NTF4: variants seen among roughly 807,000 people sequenced by gnomAD.
NTF4 encodes neurotrophin-4.
In NTF4, 2 loss-of-function variants were observed where a neutral mutation model predicts 4.4. That is an observed-to-expected ratio of 0.46 (90% CI 0.19 to 1.44). The LOEUF (loss-of-function observed/expected upper bound fraction) is 1.44, where lower values mean the gene tolerates loss of function less well. NTF4 is among the 40% of genes most tolerant of loss of function. The pLI, the probability that NTF4 is intolerant of heterozygous loss-of-function variation, is 0.26. For synonymous variants in NTF4, 127 were observed against 122.0 expected (o/e 1.04, Z -0.27); for missense variants, 260 against 293.0 (o/e 0.89, Z 0.82).
chr19:49,061,473 G>A lies in NTF4; in HGVS notation c.525C>T (p.Ser175=). The stretch of plus-strand genomic sequence containing the variant: ...CATCAGCGGTCAATGCCCGCACATA[G>A]GACTGCTTGGCCTTGCACTCAGATA... Residue 175 remains serine (S), a synonymous_variant, in exon 1 of 1, where the codon TCC becomes TCT. Coordinates refer to ENST00000593537, the Ensembl canonical transcript of NTF4. The surrounding 1 kb of genome is among the most constrained non-coding windows in gnomAD (Gnocchi z 4.9). 1 of 1,613,976 alleles carries A rather than the reference G, an allele frequency of 6.2e-7. No individual in the cohort carries two copies. The highest frequency in any genetic ancestry group is 8.5e-7 in the Non-Finnish European group (1 of 1,179,898).
downstream of NTF4, chr19:49,060,700 G>A (rs2040120577): frequency 6.5e-6 from 1 of 152,750 alleles, no homozygotes; most frequent in Admixed American, 6.5e-5. Context: ...GGACAGGGAA[G>A]AGGGCTAGAA....
downstream of NTF4, chr19:49,058,476 G>C: frequency 1.7e-6 from 1 of 595,128 alleles, no homozygotes; most frequent in Non-Finnish European, 2.9e-6. Flanking sequence ...AAATTCCCTG[G>C]CGCCTCCTCT....
Position 49,061,490 on chromosome 19 carries a change from A to G in NTF4, c.508T>C (p.Cys170Arg), listed in dbSNP as rs1230542932. Residue 170 changes from cysteine to arginine, a missense_variant, in exon 1 of 1, where the codon TGC becomes CGC. Coordinates refer to ENST00000593537, the Ensembl canonical transcript of NTF4. The surrounding 1 kb of genome is among the most constrained non-coding windows in gnomAD (Gnocchi z 4.9). ...CGCACATAGGACTGCTTGGCCTTGC[A>G]CTCAGATACCCAGTGCCTCCTGTCC... is the stretch of plus-strand genomic sequence containing the variant. 9 of 1,613,914 alleles carry G rather than the reference A, an allele frequency of 5.6e-6. No homozygotes were observed. The highest frequency in any genetic ancestry group is 5.9e-6 in the Non-Finnish European group (7 of 1,179,898).
chr19:49,061,377 A>G lies in NTF4; in HGVS notation c.621T>C (p.Thr207=), dbSNP rs1263655938. The G allele has an allele frequency of 3.7e-6, 6 of 1,612,290 alleles. No individual in the cohort carries two copies. The Admixed American group carries it at 8.3e-5, about 22-fold the overall frequency. ...CTGGGCATGGGTCTCAGGCCCGGCC[A>G]GTCCGGCTGAGGAGTGTGCAGACGC... The change falls in exon 1 of 1, where the codon ACT becomes ACC. Residue 207 remains threonine (T), a synonymous_variant. Transcript: ENST00000593537. The surrounding 1 kb of genome is among the most constrained non-coding windows in gnomAD (Gnocchi z 4.9).
At chr19:49,059,596 G>A (rs2040108194), downstream of NTF4, among the ~76,000 whole-genome samples, 1 of 152,138 alleles carries the variant, frequency 6.6e-6, no homozygotes, top group Admixed American at 6.5e-5. Flanking sequence ...CCAGGGGCCT[G>A]GTCTGTATAG....
chr19:49,058,408 C>G (rs1262358186), downstream of NTF4: 7 of 791,330 alleles, frequency 8.8e-6, no homozygotes, highest in Non-Finnish European at 1.4e-5. Flanking sequence ...CCCCCCACCC[C>G]AAACTCTGAC....
At chr19:49,062,017 CAG>C, upstream of NTF4, 1 of 1,442,612 alleles carries the variant, frequency 6.9e-7, no homozygotes. Flanking sequence ...CACCTGGAGA[CAG>C]AAAGAGGGAG....
chr19:49,060,995 TC>T, downstream of NTF4: 1 of 270,314 alleles, frequency 3.7e-6, no homozygotes, highest in African/African-American at 2.2e-5. Context: ...CCCCTCCCAC[TC>T]CCCAGCAAGG....
downstream of NTF4, chr19:49,058,638 C>G (rs1253415772): frequency 2.7e-6 from 1 of 371,178 alleles, no homozygotes; most frequent in South Asian, 7.4e-5. Context: ...GGGAAGGGTA[C>G]GGGTGGGATA....
At position 49,061,187 on chromosome 19, in the gene NTF4, C is replaced by T. The variant is rs542685938; in HGVS notation, c.*178G>A. The T allele has an allele frequency of 3.7e-4, 461 of 1,231,298 alleles. 2 individuals are homozygous for T. Among genetic ancestry groups the T allele is most frequent in the South Asian group, 2.1e-3 (139 of 66,936 alleles). The allele number at this position is 1,231,298 out of a possible 1,614,324, so 76.3% of individuals were successfully genotyped here. ...ACCCTCAAGTTGCTCCAGGAGAACT[C>T]CTATTCAACCTCCAAAACCCCATGT... On this transcript the variant is annotated 3_prime_UTR_variant, in exon 1 of 1. Transcript: ENST00000593537. The surrounding 1 kb of genome is among the most constrained non-coding windows in gnomAD (Gnocchi z 4.9).
downstream of NTF4, among the ~76,000 whole-genome samples, chr19:49,060,036 C>CAAAAAAAAAAAAAAAAAA (rs55870191): frequency 1.4e-4 from 4 of 28,426 alleles, 1 homozygote; most frequent in African/African-American, 5.2e-4. Context: ...GACTCCATCT[C>CAAAAAAAAAAAAAAAAAA]AAAAAAAAAA....
upstream of NTF4, chr19:49,062,126 C>A: frequency 8.2e-7 from 1 of 1,224,368 alleles, no homozygotes; most frequent in Non-Finnish European, 1.1e-6. Flanking sequence ...AGCCCTTGTT[C>A]TAGAAGTTTG....
chr19:49,062,731 C>T (rs564508317), upstream of NTF4, among the ~76,000 whole-genome samples: 224 of 152,248 alleles, frequency 1.5e-3, 1 homozygote, highest in African/African-American at 4.8e-3. Context: ...TTGTGGTGGG[C>T]TGAGATTGAA....
chr19:49,059,851 C>T (rs2040111807), downstream of NTF4, among the ~76,000 whole-genome samples: 1 of 151,956 alleles, frequency 6.6e-6, no homozygotes, highest in Admixed American at 6.6e-5. Context: ...AGTTTGAGAC[C>T]AGCCCGGCCA....
chr19:49,061,662 G>T lies in NTF4; in HGVS notation c.336C>A (p.Asp112Glu). Residue 112 changes from aspartate to glutamate, a missense_variant, in exon 1 of 1, where the codon GAC (aspartate) becomes GAA (glutamate). By Grantham distance (45) the Asp-to-Glu change is conservative (BLOSUM62 2). Coordinates refer to ENST00000593537, the Ensembl canonical transcript of NTF4. This position sits in a 1 kb window ranked among gnomAD's most constrained non-coding sequence, Gnocchi z 4.9. ...ACACCTCCACCTCGCGCCCACGCAA[G>T]TCCACAGCGGTCCGGCGGTCTGTCA... The T allele has an allele frequency of 6.2e-7, 1 of 1,613,458 alleles. No homozygotes were observed. Among genetic ancestry groups the T allele is most frequent in the Non-Finnish European group, 8.5e-7 (1 of 1,179,894 alleles).
At position 49,061,339 on chromosome 19, in the gene NTF4, C is replaced by T. The variant is rs116348522; in HGVS notation, c.*26G>A. ...ATCCCTGAGGTCTCTCAGCATCCAG[C>T]TCTGTTATTTTCCTGGGCATGGGTC... On this transcript the variant is annotated 3_prime_UTR_variant, in exon 1 of 1. Coordinates refer to ENST00000593537, the Ensembl canonical transcript of NTF4. The surrounding 1 kb of genome is among the most constrained non-coding windows in gnomAD (Gnocchi z 4.9). The T allele has an allele frequency of 3.2e-5, 52 of 1,611,126 alleles. No homozygotes were observed. In the African/African-American group the frequency reaches 6.3e-4, roughly 19 times the overall value.
upstream of NTF4, among the ~76,000 whole-genome samples, chr19:49,062,650 G>C (rs1346633135): frequency 1.3e-5 from 2 of 151,954 alleles, no homozygotes; most frequent in African/African-American, 4.8e-5. Flanking sequence ...CGGGTGTGGT[G>C]GCGCATGTCT....
rs768336179 is a variant in NTF4 at position 49,061,546 on chromosome 19, G to C, written c.452C>G (p.Pro151Arg). The C allele has an allele frequency of 6.2e-7, 1 of 1,614,130 alleles. No homozygotes were observed. Among genetic ancestry groups the C allele is most frequent in the South Asian group, 1.1e-5 (1 of 91,090 alleles). ...CCGGCAGCCCCCTCCACCTGCCCCC[G>C]GGCCACCTTCCTCAGCGTTATCAGC... The change falls in exon 1 of 1, where the codon CCG becomes CGG. Residue 151 changes from proline (P) to arginine (R), a missense_variant. Physicochemically the swap from Pro to Arg is moderately radical, Grantham distance 103 (BLOSUM62 -2). Coordinates refer to ENST00000593537, the Ensembl canonical transcript of NTF4. This position sits in a 1 kb window ranked among gnomAD's most constrained non-coding sequence, Gnocchi z 4.9.
chr19:49,058,675 G>T, downstream of NTF4: 1 of 278,638 alleles, frequency 3.6e-6, no homozygotes, highest in South Asian at 1.2e-4. Context: ...AGCTGCTGGT[G>T]AGATGCCAGT....
Sources: allele counts gnomAD v4.1 joint callset (sites outside exome capture counted in the v4.1 genomes callset), GRCh38; gene constraint gnomAD v4.1.1; non-coding constraint Gnocchi (gnomAD v3.1); transcripts MANE v1.5; gene names NCBI Gene and HGNC (gene_info 2026-07-23, HGNC 2026-07-21).